ADGRB3: variants seen among roughly 807,000 people sequenced by gnomAD.
The protein encoded by ADGRB3 is adhesion G protein-coupled receptor B3, also known as brain-specific angiogenesis inhibitor 3.
ADGRB3 carries 37 observed loss-of-function variants against 193.4 expected under a neutral mutation model. The ratio of observed to expected loss-of-function variants is 0.19; its 90% CI spans 0.15 to 0.25. ADGRB3 has a LOEUF of 0.25. ADGRB3 is among the 10% of genes least tolerant of loss of function. ADGRB3 has a pLI of 1.00. For synonymous variants in ADGRB3, 690 were observed against 644.2 expected (o/e 1.07, Z -1.08); for missense variants, 1,637 against 1,852.9 (o/e 0.88, Z 2.14).
intron 3 of ADGRB3, among the ~76,000 whole-genome samples, chr6:68,868,951 G>GTGTGTGTGTGTGTGTGTGTT (rs781022363): frequency 2.1e-4 from 32 of 150,500 alleles, no homozygotes; most frequent in African/African-American, 5.6e-4. Flanking sequence ...GAGTGTGTGT[G>GTGTGTGTGTGTGTGTGTGTT]TTTAAACTTA....
chr6:68,802,377 G>A (rs1767329492), intron 3 of ADGRB3, among the ~76,000 whole-genome samples: 1 of 152,086 alleles, frequency 6.6e-6, no homozygotes. Context: ...TATAGATATA[G>A]AAAGAAAAGT....
intron 4 of ADGRB3, among the ~76,000 whole-genome samples, chr6:68,932,847 A>G (rs1000388192): frequency 1.4e-4 from 21 of 150,554 alleles, no homozygotes; most frequent in Non-Finnish European, 1.5e-4. Context: ...TCATGGAGAA[A>G]AAAGCAAAGG....
intron 17 of ADGRB3, among the ~76,000 whole-genome samples, chr6:69,216,342 A>G (rs932958692): frequency 6.6e-6 from 1 of 152,212 alleles, no homozygotes; most frequent in Non-Finnish European, 1.5e-5. Flanking sequence ...CTGATTTAGG[A>G]TCAAGGTTTC....
intron 17 of ADGRB3, chr6:69,232,282 C>A: frequency 6.6e-5 from 33 of 500,112 alleles, no homozygotes; most frequent in East Asian, 9.6e-5. Context: ...TTTTTTTTTT[C>A]TTTTTCTCTC....
At chr6:69,156,612 C>G (rs1307853426) in intron 17 of ADGRB3, among the ~76,000 whole-genome samples, 1 of 152,148 alleles carries the variant, frequency 6.6e-6, no homozygotes, top group African/African-American at 2.4e-5. Flanking sequence ...GTCATATGAA[C>G]CCATTAGCCA....
At chr6:69,102,550 G>C (rs999111902) in intron 17 of ADGRB3, among the ~76,000 whole-genome samples, 1 of 152,178 alleles carries the variant, frequency 6.6e-6, no homozygotes, top group Non-Finnish European at 1.5e-5. Flanking sequence ...CATTGTGATT[G>C]AGGCCACATT....
intron 3 of ADGRB3, among the ~76,000 whole-genome samples, chr6:68,783,397 G>A (rs1022380158): frequency 8.0e-5 from 12 of 150,042 alleles, no homozygotes; most frequent in African/African-American, 2.9e-4. Flanking sequence ...TTAATTATAT[G>A]TCTAGGCTAT....
intron 17 of ADGRB3, among the ~76,000 whole-genome samples, chr6:69,102,524 G>A (rs1457351582): frequency 2.0e-5 from 3 of 152,134 alleles, no homozygotes; most frequent in Admixed American, 6.5e-5. Flanking sequence ...TGGCATTAGG[G>A]ATCAGGGGTT....
At chr6:68,866,336 CCTG>C (rs1278943875) in intron 3 of ADGRB3, among the ~76,000 whole-genome samples, 3 of 152,186 alleles carry the variant, frequency 2.0e-5, no homozygotes, top group Non-Finnish European at 2.9e-5. Context: ...CTTTCTTTCT[CCTG>C]CTGCCATGTA....
chr6:68,879,413 A>G (rs1765676639), intron 3 of ADGRB3, among the ~76,000 whole-genome samples: 1 of 151,716 alleles, frequency 6.6e-6, no homozygotes, highest in African/African-American at 2.4e-5. Context: ...TATTTTTAGT[A>G]GAGACGGGGT....
rs1211976952 is a variant in ADGRB3, at chr6:69,060,210, C to CTCTCTCTCTT, written c.2334-2714_2334-2705dup. Among the ~76,000 whole-genome samples the CTCTCTCTCTT allele has an allele frequency of 7.9e-3, 1,132 of 142,552 alleles. 23 individuals are homozygous for CTCTCTCTCTT. The highest frequency in any genetic ancestry group is 0.029 in the African/African-American group (1,087 of 37,690). 93.5% of individuals were successfully genotyped at this position (142,552 alleles called of 152,430 possible). The stretch of plus-strand genomic sequence containing the variant: ...TTTCTCTCTCTCTCTTTCTCTGTCT[C>CTCTCTCTCTT]TCTCTCTCTTTCTCTCTCTCTCTCT... On this transcript the variant is annotated intron_variant, in intron 15 of 31. Coordinates refer to ENST00000370598, the MANE Select transcript of ADGRB3 (RefSeq NM_001704.3).
intron 20 of ADGRB3, among the ~76,000 whole-genome samples, chr6:69,273,400 A>G (rs1767224701): frequency 6.6e-6 from 1 of 152,198 alleles, no homozygotes; most frequent in South Asian, 2.1e-4. Context: ...GGTAAAAAAG[A>G]CAAATTCATG....
chr6:69,324,313 T>G (rs1768522408), intron 20 of ADGRB3, among the ~76,000 whole-genome samples: 1 of 152,168 alleles, frequency 6.6e-6, no homozygotes, highest in African/African-American at 2.4e-5. Context: ...ATATTTTATT[T>G]TTGTACTATG....
chr6:68,666,586 G>A (rs1287209065), intron 3 of ADGRB3, among the ~76,000 whole-genome samples: 1 of 151,752 alleles, frequency 6.6e-6, no homozygotes, highest in Non-Finnish European at 1.5e-5. Flanking sequence ...AATGCTCATT[G>A]TAAAGTCTAT....
chr6:69,164,677 C>A (rs747500647), intron 17 of ADGRB3, among the ~76,000 whole-genome samples: 28 of 152,046 alleles, frequency 1.8e-4, no homozygotes, highest in Non-Finnish European at 3.1e-4. Flanking sequence ...TTAAGATATT[C>A]ATTCTATTAG....
intron 3 of ADGRB3, among the ~76,000 whole-genome samples, chr6:68,870,331 T>G (rs2150219395): frequency 6.6e-6 from 1 of 152,310 alleles, no homozygotes; most frequent in East Asian, 1.9e-4. Context: ...ACAGTTGTAC[T>G]TGGACTATTT....
chr6:69,252,190 T>C (rs1003717421), intron 20 of ADGRB3, among the ~76,000 whole-genome samples: 1 of 152,204 alleles, frequency 6.6e-6, no homozygotes, highest in Non-Finnish European at 1.5e-5. Flanking sequence ...TTTTGCTCAA[T>C]ATATTTTCTT....
At chr6:68,734,104 C>T (rs1178098279) in intron 3 of ADGRB3, among the ~76,000 whole-genome samples, 1 of 151,158 alleles carries the variant, frequency 6.6e-6, no homozygotes, top group Non-Finnish European at 1.5e-5. Context: ...TTTTCAAATC[C>T]TTTATGGAAA....
chr6:69,137,920 G>A (rs55776408), intron 17 of ADGRB3, among the ~76,000 whole-genome samples: 17,944 of 152,216 alleles, frequency 0.12, 1,119 homozygotes, highest in African/African-American at 0.13. Flanking sequence ...GCCTTCTTCC[G>A]TGCTGTCATT....
Sources: allele counts gnomAD v4.1 joint callset (sites outside exome capture counted in the v4.1 genomes callset), GRCh38; gene constraint gnomAD v4.1.1; transcripts MANE v1.5; gene names NCBI Gene and HGNC (gene_info 2026-07-23, HGNC 2026-07-21).